Variants in TADA1 observed in about 807,000 individuals in gnomAD.
TADA1 encodes the protein transcriptional adaptor 1.
In TADA1, 23 loss-of-function variants were observed where a neutral mutation model predicts 39.3. That is an observed-to-expected ratio of 0.58 (90% CI 0.42 to 0.83). The LOEUF is 0.83. Ranked by LOEUF, TADA1 falls within the 40% of genes least tolerant of loss-of-function variation. The pLI, the probability that TADA1 is intolerant of heterozygous loss-of-function variation, is 0.00. For synonymous variants in TADA1, 137 were observed against 151.8 expected, an observed-to-expected ratio of 0.90 and a Z score of 0.72; for missense variants, 352 against 408.1, an observed-to-expected ratio of 0.86 and a Z score of 1.18.
At chr1:166,859,370 C>T (rs1658358980) in intron 6 of TADA1, among the ~76,000 whole-genome samples, 2 of 152,196 alleles carry the variant, frequency 1.3e-5, no homozygotes, top group Admixed American at 6.5e-5. Flanking sequence ...TACCTCTCTT[C>T]TCCCAAACTA....
intron 3 of TADA1, among the ~76,000 whole-genome samples, chr1:166,867,469 G>A (rs1280730221): frequency 2.0e-5 from 3 of 152,124 alleles, no homozygotes; most frequent in African/African-American, 4.8e-5. Flanking sequence ...GGTGAGGGGA[G>A]GGAGGCAGTC....
At chr1:166,867,964 G>A (rs546402485) in intron 3 of TADA1, among the ~76,000 whole-genome samples, 11 of 152,208 alleles carry the variant, frequency 7.2e-5, no homozygotes, top group South Asian at 2.1e-4. Flanking sequence ...ATGAGCTTTC[G>A]ATATATGATC....
chr1:166,858,364 T>TA, intron 6 of TADA1, 83 bp from the exon 7 acceptor site: 1 of 1,074,108 alleles, frequency 9.3e-7, no homozygotes, highest in Non-Finnish European at 1.3e-6. Context: ...GAATCTTATT[T>TA]AAAAAATCTT....
chr1:166,873,219 C>T (rs1286493398), intron 1 of TADA1, among the ~76,000 whole-genome samples: 1 of 152,004 alleles, frequency 6.6e-6, no homozygotes, highest in African/African-American at 2.4e-5. Flanking sequence ...TGCAGTGAGC[C>T]GAGATCGCAC....
chr1:166,870,139 A>C lies in TADA1; in HGVS notation c.75-285T>G, dbSNP rs1055352052. ...TTGCATTCCCTGGCTCTATGGGCTG[A>C]ATTGTGTCCCCCCACAAAAGTCCTG... On this transcript the variant is annotated intron_variant, in intron 1 of 7. Coordinates refer to ENST00000367874, the MANE Select transcript of TADA1 (RefSeq NM_053053.4). Among the ~76,000 whole-genome samples, 70 of 152,178 alleles carry C rather than the reference A, an allele frequency of 4.6e-4. 1 individual carries two copies. The highest frequency in any genetic ancestry group is 1.8e-4 in the Non-Finnish European group (12 of 68,038).
chr1:166,865,091 A>G (rs1472984777), intron 3 of TADA1, among the ~76,000 whole-genome samples: 10 of 128,630 alleles, frequency 7.8e-5, no homozygotes, highest in Non-Finnish European at 1.7e-5. Flanking sequence ...CTAAAAAAAT[A>G]AAAATAAAAA....
Position 166,875,638 on chromosome 1 carries a change from G to A in TADA1, c.74+522C>T, listed in dbSNP as rs189553457. On this transcript the variant is annotated intron_variant, in intron 1 of 7. Transcript: ENST00000367874. ...CATCACTATAATTGTAGTGTTCAAT[G>A]ACTGTGATTTCACCAGAGGGTCCGT... Among the ~76,000 whole-genome samples, 258 of 152,374 alleles carry A rather than the reference G, an allele frequency of 1.7e-3. 1 individual carries two copies. The highest frequency in any genetic ancestry group is 3.4e-3 in the Middle Eastern group (1 of 294).
intron 1 of TADA1, among the ~76,000 whole-genome samples, chr1:166,874,648 G>C (rs115145256): frequency 6.6e-6 from 1 of 151,360 alleles, no homozygotes; most frequent in Non-Finnish European, 1.5e-5. Context: ...CAGGATTAGC[G>C]GGGCGTGCCT....
chr1:166,857,742 T>C (rs1468969667), intron 7 of TADA1, 23 bp from the exon 8 acceptor site: 7 of 1,607,208 alleles, frequency 4.4e-6, no homozygotes, highest in Non-Finnish European at 6.0e-6. Context: ...AATTAACGCA[T>C]GTCCAATTAT....
At chr1:166,868,009 A>G (rs568313334) in intron 3 of TADA1, among the ~76,000 whole-genome samples, 1 of 152,346 alleles carries the variant, frequency 6.6e-6, no homozygotes, top group East Asian at 1.9e-4. Context: ...AAAAATTTCA[A>G]TTTAATCTAC....
At position 166,861,897 on chromosome 1, in the gene TADA1, T is replaced by A. The variant is rs892323746; in HGVS notation, c.540+306A>T. Among the ~76,000 whole-genome samples the A allele has an allele frequency of 7.9e-4, 118 of 149,776 alleles. 2 individuals are homozygous for A. Among genetic ancestry groups the A allele is most frequent in the Admixed American group, 3.8e-3 (58 of 15,070 alleles). On this transcript the variant is annotated intron_variant, in intron 5 of 7. Transcript: ENST00000367874. ...AGAGAGACCCCCATCCCTAAAAAAT[T>A]TTTTTTTTTTAAATTAGCTGAGTAT...
chr1:166,867,216 C>T (rs1658557944), intron 3 of TADA1, among the ~76,000 whole-genome samples: 1 of 152,172 alleles, frequency 6.6e-6, no homozygotes, highest in Admixed American at 6.5e-5. Flanking sequence ...TGACTCTTAT[C>T]AACCAGGGTT....
intron 3 of TADA1, among the ~76,000 whole-genome samples, chr1:166,865,179 T>C (rs763659396): frequency 3.3e-5 from 5 of 152,130 alleles, no homozygotes; most frequent in Non-Finnish European, 7.3e-5. Flanking sequence ...TTTCAGAACA[T>C]GTTCATCCAT....
At position 166,876,112 on chromosome 1, in the gene TADA1, G is replaced by A. The variant is rs752527735; in HGVS notation, c.74+48C>T. The A allele has an allele frequency of 4.5e-6, 7 of 1,568,326 alleles. No homozygotes were observed. The South Asian group carries it at 7.0e-5, about 16-fold the overall frequency. The stretch of plus-strand genomic sequence containing the variant: ...GGGCGGGCTGGCAGCCCGAGGCCAG[G>A]AGAGCACCCGCGTGTTGGCCTGGAC... On this transcript the variant is annotated intron_variant, in intron 1 of 7. Transcript: ENST00000367874.
intron 4 of TADA1, 23 bp downstream of exon 4, chr1:166,863,801 A>G (rs1383948254): frequency 6.2e-7 from 1 of 1,603,064 alleles, no homozygotes; most frequent in Non-Finnish European, 8.5e-7. Flanking sequence ...GTCATTATCA[A>G]GACCTATTAA....
chr1:166,873,800 C>T (rs933208129), intron 1 of TADA1, among the ~76,000 whole-genome samples: 4 of 152,194 alleles, frequency 2.6e-5, no homozygotes, highest in African/African-American at 4.8e-5. Flanking sequence ...ATTTGACCAA[C>T]ATCAGACAGT....
chr1:166,856,714 C>T lies in TADA1; in HGVS notation c.*853G>A, dbSNP rs1367705993. 2.0e-5 allele frequency: 3 copies of T among 152,562 alleles called. No homozygotes were observed. Among genetic ancestry groups the T allele is most frequent in the Admixed American group, 6.5e-5 (1 of 15,268 alleles). 9.5% of individuals were successfully genotyped at this position (152,562 alleles called of 1,614,324 possible). On this transcript the variant is annotated 3_prime_UTR_variant, in exon 8 of 8. Transcript: ENST00000367874. ...GTAGGTTTGTTATCAGTAACACTAT[C>T]GAATGTAAATTATTTTCACTTCATC... is the stretch of plus-strand genomic sequence containing the variant.
chr1:166,864,922 G>C (rs1658495792), intron 3 of TADA1, among the ~76,000 whole-genome samples: 1 of 152,148 alleles, frequency 6.6e-6, no homozygotes, highest in Non-Finnish European at 1.5e-5. Context: ...TCTGTATATG[G>C]GAATTTGGGA....
intron 5 of TADA1, among the ~76,000 whole-genome samples, chr1:166,861,322 G>A (rs1021019640): frequency 1.3e-5 from 2 of 152,258 alleles, no homozygotes; most frequent in Admixed American, 1.3e-4. Context: ...AAATTGGTTT[G>A]CACGCAGAAT....
Sources: gnomAD v4.1 joint callset for allele counts (sites outside exome capture counted in the v4.1 genomes callset) on GRCh38, gnomAD v4.1.1 for gene constraint, MANE v1.5 for transcripts, NCBI Gene and HGNC (gene_info 2026-07-23, HGNC 2026-07-21) for gene names.